Variants in DMWD observed in about 807,000 individuals in gnomAD.
DMWD encodes the protein DM1 locus, WD repeat containing.
A neutral mutation model predicts 45.8 loss-of-function variants in DMWD; 19 were observed. The ratio of observed to expected loss-of-function variants is 0.41; its 90% confidence interval spans 0.29 to 0.61. The LOEUF (loss-of-function observed/expected upper bound fraction) is 0.61. Ranked by LOEUF, DMWD falls within the 20% of genes least tolerant of loss-of-function variation. The pLI is 0.25. For synonymous variants in DMWD, 515 were observed against 440.5 expected (o/e 1.17, Z -2.12); for missense variants, 802 against 965.2 (o/e 0.83, Z 2.24).
At position 45,785,663 on chromosome 19, in the gene DMWD, G is replaced by T. The variant is rs1970260265; in HGVS notation, c.1833C>A (p.Phe611Leu). 1.3e-6 allele frequency: 2 copies of T among 1,577,934 alleles called. No homozygotes were observed. Among genetic ancestry groups the T allele is most frequent in the South Asian group, 1.2e-5 (1 of 86,670 alleles). The part of the protein sequence containing the change: ...IAQERLTVLL[F>L]LEDCIITACQ... ...AGGCAGTGATGATGCAGTCCTCCAG[G>T]AACAGGAGGACTGTGAGCCGCTCCT... is the stretch of plus-strand genomic sequence containing the variant. The change falls in exon 3 of 5, where the codon TTC (phenylalanine) becomes TTA (leucine). Residue 611 changes from phenylalanine (F) to leucine (L), a missense_variant. This residue lies in a region of DMWD where 303 missense variants were observed against 332.9 expected (regional missense o/e 0.91). Transcript: ENST00000270223.
intron 2 of DMWD, among the ~76,000 whole-genome samples, chr19:45,788,933 A>G (rs914344552): frequency 3.1e-5 from 4 of 128,822 alleles, no homozygotes; most frequent in Non-Finnish European, 4.6e-5. Flanking sequence ...TATCTCAGGA[A>G]AAAAAAAAAA....
At chr19:45,790,308 C>G (rs1415083804) in intron 2 of DMWD, 1 of 148,394 alleles carries the variant, frequency 6.7e-6, no homozygotes, top group Admixed American at 6.8e-5. Context: ...GAGACTCCGC[C>G]TTAAAAAGAA....
In DMWD at chr19:45,784,278, GGGA is replaced by G; in HGVS notation, c.1987_1989del (p.Ser663del). 1.3e-6 allele frequency: 2 copies of G among 1,518,326 alleles called. No homozygotes were observed. Among genetic ancestry groups the G allele is most frequent in the Middle Eastern group, 1.9e-4 (1 of 5,384 alleles). 94.1% of individuals were successfully genotyped at this position (1,518,326 alleles called of 1,614,324 possible). A position where few individuals can be genotyped will look rare whatever the true frequency, so the allele number is the denominator to read the frequency against. On this transcript the variant is annotated inframe_deletion, in exon 5 of 5. Transcript: ENST00000270223. ...GTGCCACTCGGGGAGTTGCCTGGTT[GGGA>G]GGAGATGCCCTGGGGAAGATGAGAG...
intron 2 of DMWD, among the ~76,000 whole-genome samples, chr19:45,787,834 G>A (rs926221172): frequency 6.6e-6 from 1 of 152,200 alleles, no homozygotes; most frequent in South Asian, 2.1e-4. Flanking sequence ...TTGGGAGGCT[G>A]AGGCAGGCGG....
rs375219253 is a variant in DMWD at position 45,784,621 on chromosome 19, G to T, written c.1977+20C>A. The stretch of plus-strand genomic sequence containing the variant: ...GAGGGACCCTGAGGTGCTGGGGAAA[G>T]AACTCAGGGACAGTCCTACCTCTAC... On this transcript the variant is annotated intron_variant, in intron 4 of 4. Coordinates refer to ENST00000270223, the MANE Select transcript of DMWD (RefSeq NM_004943.2). 12 of 1,613,898 alleles carry T rather than the reference G, an allele frequency of 7.4e-6. No individual in the cohort carries two copies. The highest frequency in any genetic ancestry group is 2.2e-5 in the East Asian group (1 of 44,888).
chr19:45,785,697 T>A lies in DMWD; in HGVS notation c.1799A>T (p.Lys600Met). The A allele has an allele frequency of 6.2e-7, 1 of 1,603,648 alleles. No individual in the cohort carries two copies. The highest frequency in any genetic ancestry group is 8.5e-7 in the Non-Finnish European group (1 of 1,173,562). The change falls in exon 3 of 5, where the codon AAG becomes ATG. Residue 600 changes from lysine to methionine, a missense_variant. This residue lies in a region of DMWD where 303 missense variants were observed against 332.9 expected (regional missense o/e 0.91). Transcript: ENST00000270223. ...VPLLEPLVCKKIAQERLTVLL... is the reference protein window; with the variant it reads ...VPLLEPLVCKMIAQERLTVLL... The stretch of plus-strand genomic sequence containing the variant: ...GACTGTGAGCCGCTCCTGGGCGATC[T>A]TCTTGCACACAAGGGGCTCCAGCAG...
At chr19:45,791,709 C>T (rs918112600) in intron 1 of DMWD, among the ~76,000 whole-genome samples, 6 of 152,136 alleles carry the variant, frequency 3.9e-5, no homozygotes, top group Admixed American at 3.9e-4. Context: ...TCCTGAATCA[C>T]ACCTGCAGAT....
intron 3 of DMWD, 115 bp from the exon 4 acceptor site, chr19:45,784,830 G>A (rs992496075): frequency 8.2e-6 from 12 of 1,465,826 alleles, no homozygotes; most frequent in Non-Finnish European, 4.5e-6. Context: ...AGGACTCTAC[G>A]ATTCCAAAAC....
intron 3 of DMWD, 152 bp from the exon 4 acceptor site, chr19:45,784,867 C>T: frequency 1.5e-5 from 20 of 1,314,958 alleles, no homozygotes; most frequent in Non-Finnish European, 2.0e-5. Flanking sequence ...CAAGCCACGG[C>T]CTCCAGGACC....
chr19:45,788,775 A>C (rs913698202), intron 2 of DMWD, among the ~76,000 whole-genome samples: 1 of 152,158 alleles, frequency 6.6e-6, no homozygotes, highest in Admixed American at 6.5e-5. Flanking sequence ...CAAAAAATAC[A>C]AAAGTTAGCC....
At position 45,792,633 on chromosome 19, in the gene DMWD, C is replaced by T; in HGVS notation, c.124G>A (p.Ala42Thr). 6.0e-6 allele frequency: 8 copies of T among 1,333,124 alleles called. No homozygotes were observed. Among genetic ancestry groups the T allele is most frequent in the Middle Eastern group, 2.0e-4 (1 of 4,978 alleles). The allele number at this position is 1,333,124 out of a possible 1,614,324, so 82.6% of individuals were successfully genotyped here. The part of the protein sequence containing the change: ...FYKLLPGDGA[A>T]RRSGPASAQT... ...GCGGAAGCCGGACCCGACCTGCGAG[C>T]GGCGCCGTCGCCCGGGAGTAGCTTG... The change falls in exon 1 of 5, where the codon GCT becomes ACT. Residue 42 changes from alanine to threonine, a missense_variant. Physicochemically the swap from Ala to Thr is moderately conservative, Grantham distance 58 (BLOSUM62 0). Coordinates refer to ENST00000270223, the MANE Select transcript of DMWD (RefSeq NM_004943.2).
intron 2 of DMWD, 170 bp downstream of exon 2, chr19:45,790,735 C>A: frequency 1.5e-6 from 1 of 648,522 alleles, no homozygotes; most frequent in Non-Finnish European, 2.6e-6. Flanking sequence ...CAGCACAGGG[C>A]CTGGGTACAG....
chr19:45,791,636 A>C (rs1970358034), intron 1 of DMWD, among the ~76,000 whole-genome samples: 1 of 152,098 alleles, frequency 6.6e-6, no homozygotes, highest in Non-Finnish European at 1.5e-5. Context: ...GCTCCGAAGG[A>C]TCCCCATCAT....
intron 2 of DMWD, chr19:45,789,612 G>C (rs1488474476): frequency 6.6e-6 from 1 of 152,208 alleles, no homozygotes; most frequent in Non-Finnish European, 1.5e-5. Context: ...AAAGCCTCCA[G>C]AGCCCAGAAC....
Position 45,786,188 on chromosome 19 carries a change from C to T in DMWD, c.1308G>A (p.Gln436=), listed in dbSNP as rs777117483. The T allele has an allele frequency of 6.2e-7, 1 of 1,606,754 alleles. No homozygotes were observed. Among genetic ancestry groups the T allele is most frequent in the Admixed American group, 1.7e-5 (1 of 59,250 alleles). ...SITYRFGSAG[Q]DTQFCLWDLT... ...GGTCCCACAGGCAGAACTGCGTGTC[C>T]TGGCCCGCCGAGCCAAAGCGGTAAG... is the stretch of plus-strand genomic sequence containing the variant. The change falls in exon 3 of 5, where the codon CAG becomes CAA. Residue 436 remains glutamine, a synonymous_variant. Transcript: ENST00000270223.
chr19:45,783,628 G>C lies in DMWD; in HGVS notation c.*615C>G, dbSNP rs1388870958. 2.5e-6 allele frequency: 1 copy of C among 399,138 alleles called. No homozygotes were observed. The highest frequency in any genetic ancestry group is 2.1e-5 in the African/African-American group (1 of 48,616). The allele number at this position is 399,138 out of a possible 1,614,324, so 24.7% of individuals were successfully genotyped here. A position where few individuals can be genotyped will look rare whatever the true frequency, so the allele number is the denominator to read the frequency against. On this transcript the variant is annotated 3_prime_UTR_variant, in exon 5 of 5. Transcript: ENST00000270223. ...AAAGGGGTGGGAGGCGCTGGGCTGGGAGCAGGCCTGCACTCCTCCTCTGGG... is the reference window on the plus strand; with the variant it reads ...AAAGGGGTGGGAGGCGCTGGGCTGGCAGCAGGCCTGCACTCCTCCTCTGGG...
intron 2 of DMWD, among the ~76,000 whole-genome samples, chr19:45,787,451 A>T (rs1970296862): frequency 1.3e-5 from 2 of 152,178 alleles, no homozygotes; most frequent in South Asian, 4.1e-4. Context: ...CAGTCTGTGG[A>T]AAAACTGTCT....
Position 45,786,154 on chromosome 19 carries a change from C to G in DMWD, c.1342G>C (p.Asp448His). The change falls in exon 3 of 5, where the codon GAC becomes CAC. Residue 448 changes from aspartate to histidine, a missense_variant. This residue lies in a region of DMWD where 303 missense variants were observed against 332.9 expected (regional missense o/e 0.91). Transcript: ENST00000270223. ...TQFCLWDLTEDVLYPHPPLAR... is the reference protein window; with the variant it reads ...TQFCLWDLTEHVLYPHPPLAR... ...AGGGGGGGGTGCGGGTAGAGCACGT[C>G]TTCAGTGAGGTCCCACAGGCAGAAC... is the stretch of plus-strand genomic sequence containing the variant. 1 of 1,574,100 alleles carries G rather than the reference C, an allele frequency of 6.4e-7. No homozygotes were observed. Among genetic ancestry groups the G allele is most frequent in the Non-Finnish European group, 8.6e-7 (1 of 1,160,358 alleles).
chr19:45,786,888 T>C lies in DMWD; in HGVS notation c.625-17A>G, dbSNP rs754432444. 12 of 1,609,120 alleles carry C rather than the reference T, an allele frequency of 7.5e-6. No individual in the cohort carries two copies. In the Admixed American group the frequency reaches 2.0e-4, roughly 27 times the overall value. ...GATCAACCGCTGCCAGGGGAGACAG[T>C]GTGGGGTTGGGAGAAGGCAGTAAAA... On this transcript the variant is annotated splice_polypyrimidine_tract_variant and intron_variant, in intron 2 of 4. Transcript: ENST00000270223.
Sources: gnomAD v4.1 joint callset for allele counts (sites outside exome capture counted in the v4.1 genomes callset) on GRCh38, gnomAD v4.1.1 for gene constraint, gnomAD v4.1.1 regional missense constraint, MANE v1.5 for transcripts, NCBI Gene and HGNC (gene_info 2026-07-23, HGNC 2026-07-21) for gene names.